HELLS: variants seen among roughly 807,000 people sequenced by gnomAD.
HELLS encodes the protein helicase, lymphoid specific, also known as lymphoid-specific helicase.
HELLS carries 32 observed loss-of-function variants against 120.0 expected under a neutral mutation model. The ratio of observed to expected loss-of-function variants is 0.27; its 90% CI spans 0.20 to 0.36. The LOEUF is 0.36. HELLS is among the 10% of genes least tolerant of loss of function. HELLS has a pLI of 1.00. For synonymous variants in HELLS, 341 were observed against 323.4 expected, an observed-to-expected ratio of 1.05 and a Z score of -0.58; for missense variants, 650 against 993.4, an observed-to-expected ratio of 0.65 and a Z score of 4.65.
Position 94,554,151 on chromosome 10 carries a change from C to G in HELLS, c.179C>G (p.Ser60Trp). ...GCTCGCATGTCTTGGGATAGAGAGTCGACAGAAATTCGGTACCGTAGACTT... is the reference window on the plus strand; with the variant it reads ...GCTCGCATGTCTTGGGATAGAGAGTGGACAGAAATTCGGTACCGTAGACTT... ...EKARMSWDRE[S>W]TEIRYRRLQH... The change falls in exon 3 of 22, where the codon TCG (serine) becomes TGG (tryptophan). Residue 60 changes from serine (S) to tryptophan (W), a missense_variant. Transcript: ENST00000348459. The G allele has an allele frequency of 1.3e-6, 2 of 1,576,424 alleles. No homozygotes were observed. Among genetic ancestry groups the G allele is most frequent in the Non-Finnish European group, 1.7e-6 (2 of 1,167,636 alleles).
At chr10:94,611,103 T>G (rs984951337) in exon 10 of HELLS, 1 of 152,184 alleles carries the variant, frequency 6.6e-6, no homozygotes, top group Non-Finnish European at 1.5e-5. Context: ...TAATTAGAAG[T>G]GTTCTTTTCT....
At position 94,601,753 on chromosome 10, in the gene HELLS, T is replaced by C. The variant is rs1846043346; in HGVS notation, c.*131T>C. Reference sequence around the variant, plus strand: ...GTTGACATGTAACTAGTACCATGCGTACTTAAATAGATGGTAATTTTCTGA... The same window carrying C: ...GTTGACATGTAACTAGTACCATGCGCACTTAAATAGATGGTAATTTTCTGA... On this transcript the variant is annotated 3_prime_UTR_variant, in exon 22 of 22. Transcript: ENST00000348459. The C allele has an allele frequency of 1.9e-6, 1 of 513,176 alleles. No homozygotes were observed. The highest frequency in any genetic ancestry group is 3.5e-6 in the Non-Finnish European group (1 of 289,022). 31.8% of individuals were successfully genotyped at this position (513,176 alleles called of 1,614,324 possible).
At chr10:94,559,199 T>C (rs1843425093) in intron 4 of HELLS, among the ~76,000 whole-genome samples, 1 of 152,202 alleles carries the variant, frequency 6.6e-6, no homozygotes, top group East Asian at 1.9e-4. Context: ...CTACCATATG[T>C]ATGTCAAGCA....
chr10:94,559,638 G>T (rs1336272667), intron 4 of HELLS, among the ~76,000 whole-genome samples: 1 of 151,728 alleles, frequency 6.6e-6, no homozygotes, highest in Non-Finnish European at 1.5e-5. Context: ...TAGAGACAGG[G>T]TTTCACCATA....
Position 94,601,764 on chromosome 10 carries a change from A to G in HELLS, c.*142A>G. On this transcript the variant is annotated 3_prime_UTR_variant, in exon 22 of 22. Coordinates refer to ENST00000348459, the MANE Select transcript of HELLS (RefSeq NM_018063.5). ...ACTAGTACCATGCGTACTTAAATAG[A>G]TGGTAATTTTCTGAGCCTTACCAAG... 4.0e-6 allele frequency: 2 copies of G among 496,062 alleles called. No individual in the cohort carries two copies. The highest frequency in any genetic ancestry group is 7.1e-6 in the Non-Finnish European group (2 of 279,868). 30.7% of individuals were successfully genotyped at this position (496,062 alleles called of 1,614,324 possible). A position where few individuals can be genotyped will look rare whatever the true frequency, so the allele number is the denominator to read the frequency against.
At chr10:94,604,008 A>G (rs888184008), downstream of HELLS, among the ~76,000 whole-genome samples, 1 of 151,440 alleles carries the variant, frequency 6.6e-6, no homozygotes, top group Non-Finnish European at 1.5e-5. Context: ...TTATATTTTT[A>G]GTAGAGACTG....
At chr10:94,584,065 T>A (rs1004140116) in intron 12 of HELLS, 11 of 1,369,640 alleles carry the variant, frequency 8.0e-6, no homozygotes, top group South Asian at 1.3e-5. Flanking sequence ...CCAGAAAAGA[T>A]TTATATGATA....
downstream of HELLS, among the ~76,000 whole-genome samples, chr10:94,604,360 A>G (rs995056919): frequency 2.0e-5 from 3 of 151,476 alleles, no homozygotes; most frequent in Non-Finnish European, 2.9e-5. Flanking sequence ...CCTCACCTCA[A>G]CTGATCATCT....
In HELLS at chr10:94,585,834, A is replaced by C. The variant is rs1262462413; in HGVS notation, c.1327-2395A>C. ...GTGATCCTCCTGCCTCAGCCTTCTG[A>C]GTTGCTGGAACCAAAGGTGCATGCC... is the stretch of plus-strand genomic sequence containing the variant. On this transcript the variant is annotated intron_variant, in intron 12 of 21. Coordinates refer to ENST00000348459, the MANE Select transcript of HELLS (RefSeq NM_018063.5). 3.3e-5 allele frequency among the ~76,000 whole-genome samples: 5 copies of C among 152,072 alleles called. No homozygotes were observed. In the East Asian group the frequency reaches 9.7e-4, roughly 29 times the overall value.
chr10:94,585,607 C>T (rs546988265), intron 12 of HELLS, among the ~76,000 whole-genome samples: 33 of 151,958 alleles, frequency 2.2e-4, no homozygotes, highest in Non-Finnish European at 4.1e-4. Context: ...TGGTCTTAAA[C>T]TCCTGACCTC....
At chr10:94,559,726 G>A (rs936851747) in intron 4 of HELLS, among the ~76,000 whole-genome samples, 1 of 151,550 alleles carries the variant, frequency 6.6e-6, no homozygotes, top group Non-Finnish European at 1.5e-5. Flanking sequence ...TTACAGGCGA[G>A]AGCCACTGCA....
rs1316241150 is a variant in HELLS at position 94,601,662 on chromosome 10, A to G, written c.*40A>G. 1.9e-6 allele frequency: 2 copies of G among 1,051,040 alleles called. No individual in the cohort carries two copies. Among genetic ancestry groups the G allele is most frequent in the East Asian group, 4.8e-5 (2 of 41,668 alleles). The allele number at this position is 1,051,040 out of a possible 1,614,324, so 65.1% of individuals were successfully genotyped here. The stretch of plus-strand genomic sequence containing the variant: ...ATAGCTTTTAAAAGTTCTTATTTAC[A>G]TCTAGTGATTTCCCTGTATTGGGTT... On this transcript the variant is annotated 3_prime_UTR_variant, in exon 22 of 22. Coordinates refer to ENST00000348459, the MANE Select transcript of HELLS (RefSeq NM_018063.5).
intron 2 of HELLS, among the ~76,000 whole-genome samples, chr10:94,552,542 C>A (rs979719368): frequency 6.6e-6 from 1 of 152,124 alleles, no homozygotes; most frequent in African/African-American, 2.4e-5. Flanking sequence ...GTCTTTAATA[C>A]TTGTTGTTTT....
At chr10:94,567,443 C>T (rs971402248) in intron 6 of HELLS, among the ~76,000 whole-genome samples, 31 of 152,130 alleles carry the variant, frequency 2.0e-4, no homozygotes, top group Non-Finnish European at 4.1e-4. Context: ...GGATTACAGG[C>T]ATGTGCCACC....
At chr10:94,573,592 T>C (rs890679606) in intron 7 of HELLS, among the ~76,000 whole-genome samples, 1 of 152,008 alleles carries the variant, frequency 6.6e-6, no homozygotes, top group African/African-American at 2.4e-5. Context: ...CCCGAGTAGC[T>C]GGGATACAGG....
intron 12 of HELLS, among the ~76,000 whole-genome samples, chr10:94,586,322 T>A (rs932960923): frequency 7.9e-5 from 12 of 152,122 alleles, no homozygotes; most frequent in Non-Finnish European, 1.6e-4. Context: ...GGAGTTTCAC[T>A]GTGTTAGCCG....
In HELLS at chr10:94,576,897, A is replaced by G. The variant is rs572884401; in HGVS notation, c.1032+92A>G. The G allele has an allele frequency of 4.9e-6, 6 of 1,233,688 alleles. No individual in the cohort carries two copies. In the South Asian group the frequency reaches 9.4e-5, roughly 19 times the overall value. The allele number at this position is 1,233,688 out of a possible 1,614,324, so 76.4% of individuals were successfully genotyped here. On this transcript the variant is annotated intron_variant, in intron 10 of 21. Coordinates refer to ENST00000348459, the MANE Select transcript of HELLS (RefSeq NM_018063.5). ...TCTCACCATCTGGGAGCATTTGTCT[A>G]ATTTTTTTTTGTTGTCGAAATAATA...
At chr10:94,546,284 G>A (rs1233251835) in intron 1 of HELLS, 93 bp from the exon 2 acceptor site, 5 of 1,477,568 alleles carry the variant, frequency 3.4e-6, no homozygotes, top group African/African-American at 1.4e-5. Context: ...TTGCTCCAGT[G>A]CATCTCGGGT....
intron 12 of HELLS, among the ~76,000 whole-genome samples, chr10:94,586,991 G>A (rs566945583): frequency 7.3e-4 from 111 of 152,102 alleles, no homozygotes; most frequent in African/African-American, 2.4e-3. Context: ...TACTGCGTCC[G>A]ACCTAGAGTA....
Sources: gnomAD v4.1 joint callset for allele counts (sites outside exome capture counted in the v4.1 genomes callset) on GRCh38, gnomAD v4.1.1 for gene constraint, MANE v1.5 for transcripts, NCBI Gene and HGNC (gene_info 2026-07-23, HGNC 2026-07-21) for gene names.